Variants in DOCK2 observed in about 807,000 individuals in gnomAD.
The protein encoded by DOCK2 is dedicator of cytokinesis 2.
Under a neutral mutation model 248.9 loss-of-function variants are expected in DOCK2, and 87 were observed. The ratio of observed to expected loss-of-function variants is 0.35; its 90% CI spans 0.29 to 0.42. The LOEUF (loss-of-function observed/expected upper bound fraction) is 0.42, where lower values mean the gene tolerates loss of function less well. DOCK2 is among the 10% of genes least tolerant of loss of function. The pLI, the probability that DOCK2 is intolerant of heterozygous loss-of-function variation, is 1.00. For synonymous variants in DOCK2, 805 were observed against 821.6 expected, an observed-to-expected ratio of 0.98 and a Z score of 0.35; for missense variants, 1,747 against 2,300.2, an observed-to-expected ratio of 0.76 and a Z score of 4.92.
intron 15 of DOCK2, among the ~76,000 whole-genome samples, chr5:169,708,986 T>C (rs1186647177): frequency 6.6e-6 from 1 of 152,232 alleles, no homozygotes; most frequent in Admixed American, 6.5e-5. Context: ...GGCAAGTCAT[T>C]CACCTGCTCT....
At chr5:169,874,821 G>A (rs1033155026) in intron 27 of DOCK2, among the ~76,000 whole-genome samples, 1 of 152,082 alleles carries the variant, frequency 6.6e-6, no homozygotes, top group African/African-American at 2.4e-5. Context: ...AATCTCCCAA[G>A]TATTGCATAA....
At chr5:169,908,612 T>C (rs1314116828) in intron 27 of DOCK2, among the ~76,000 whole-genome samples, 1 of 152,136 alleles carries the variant, frequency 6.6e-6, no homozygotes, top group Non-Finnish European at 1.5e-5. Context: ...TATTGCAATA[T>C]GGAATCATGA....
At chr5:169,924,444 C>T (rs544968104) in intron 27 of DOCK2, among the ~76,000 whole-genome samples, 1 of 152,224 alleles carries the variant, frequency 6.6e-6, no homozygotes, top group East Asian at 1.9e-4. Context: ...ATCACATTTC[C>T]CTGTTGTGTT....
intron 1 of DOCK2, among the ~76,000 whole-genome samples, chr5:169,642,181 GGATA>G (rs1210576420): frequency 1.3e-5 from 2 of 152,204 alleles, no homozygotes; most frequent in Non-Finnish European, 2.9e-5. Context: ...ACAGTTGAAA[GGATA>G]GAGAGCATCA....
chr5:169,955,246 G>A (rs1269367506), intron 27 of DOCK2, among the ~76,000 whole-genome samples: 2 of 152,134 alleles, frequency 1.3e-5, no homozygotes, highest in Non-Finnish European at 2.9e-5. Flanking sequence ...CCCCTGCCCG[G>A]GACCACACAG....
chr5:170,008,456 C>T, intron 30 of DOCK2, 41 bp from the exon 31 acceptor site: 1 of 1,608,082 alleles, frequency 6.2e-7, no homozygotes, highest in Non-Finnish European at 8.5e-7. Flanking sequence ...CTTCCCGCTT[C>T]AGACCCTCTC....
In DOCK2 at chr5:170,082,804, C is replaced by A; in HGVS notation, c.5439C>A (p.Ser1813Arg). ...GTTTATTCTCTCAAAAGCTGGCCAG[C>A]AAATCGGCTGAAGAAGGCAAACAGA... The part of the protein sequence containing the change: ...VNQFFKTMLA[S>R]KSAEEGKQIP... Residue 1813 changes from serine to arginine, a missense_variant, in exon 52 of 52, where the codon AGC (serine) becomes AGA (arginine). By Grantham distance (110) the Ser-to-Arg change is moderately radical. Transcript: ENST00000520908. The A allele has an allele frequency of 6.2e-7, 1 of 1,614,154 alleles. No homozygotes were observed. The highest frequency in any genetic ancestry group is 8.5e-7 in the Non-Finnish European group (1 of 1,180,020).
chr5:170,057,287 C>A (rs1481247281), intron 43 of DOCK2: 3 of 451,540 alleles, frequency 6.6e-6, no homozygotes. Context: ...GGGAACCCTT[C>A]CCCGAGAAAA....
At chr5:169,891,648 CTA>C (rs1773289208) in intron 27 of DOCK2, among the ~76,000 whole-genome samples, 1 of 151,998 alleles carries the variant, frequency 6.6e-6, no homozygotes, top group African/African-American at 2.4e-5. Flanking sequence ...GATGGGGAAA[CTA>C]AGACTCTGAG....
intron 7 of DOCK2, among the ~76,000 whole-genome samples, chr5:169,683,866 G>T (rs1245664469): frequency 6.6e-6 from 1 of 152,118 alleles, no homozygotes; most frequent in Non-Finnish European, 1.5e-5. Context: ...CTCCAAATCT[G>T]TACCTAGCTG....
At chr5:169,725,482 T>TTTTA (rs1007103599) in intron 22 of DOCK2, among the ~76,000 whole-genome samples, 15 of 144,206 alleles carry the variant, frequency 1.0e-4, no homozygotes, top group Non-Finnish European at 1.6e-4. Flanking sequence ...TGTTTTTTCT[T>TTTTA]TTTATTTATT....
chr5:169,810,190 A>G (rs2113175775), intron 26 of DOCK2, among the ~76,000 whole-genome samples: 1 of 152,178 alleles, frequency 6.6e-6, no homozygotes. Flanking sequence ...GCTGAGTGCT[A>G]GCAGGGTATT....
intron 5 of DOCK2, among the ~76,000 whole-genome samples, chr5:169,671,995 CT>C (rs112611660): frequency 1.3e-3 from 196 of 149,516 alleles, no homozygotes; most frequent in African/African-American, 4.3e-3. Flanking sequence ...ATACGCTGAC[CT>C]TTTTTTTTTA....
intron 27 of DOCK2, among the ~76,000 whole-genome samples, chr5:169,964,846 G>C (rs1428516783): frequency 6.6e-6 from 1 of 152,204 alleles, no homozygotes; most frequent in East Asian, 1.9e-4. Flanking sequence ...ATTCAAAGGG[G>C]GAACTGCATG....
chr5:169,875,621 A>C lies in DOCK2; in HGVS notation c.2799+34769A>C, dbSNP rs538557146. 31 of 227,528 alleles carry C rather than the reference A, an allele frequency of 1.4e-4. 2 individuals are homozygous for C. The South Asian group carries it at 1.7e-3, about 13-fold the overall frequency. The allele number at this position is 227,528 out of a possible 1,614,324, so 14.1% of individuals were successfully genotyped here. On this transcript the variant is annotated intron_variant, in intron 27 of 51. Coordinates refer to ENST00000520908, the MANE Select transcript of DOCK2 (RefSeq NM_004946.3). ...CTTCAATTGCCTAATCTGAATGTTGAGCAAGTGCCTGACCCTTCCTGAGCA... is the reference window on the plus strand; with the variant it reads ...CTTCAATTGCCTAATCTGAATGTTGCGCAAGTGCCTGACCCTTCCTGAGCA...
intron 27 of DOCK2, among the ~76,000 whole-genome samples, chr5:169,910,792 A>G (rs1774552740): frequency 6.6e-6 from 1 of 152,214 alleles, no homozygotes; most frequent in African/African-American, 2.4e-5. Flanking sequence ...GAGAAATGGC[A>G]GGTGCCCCTT....
rs936772936 is a variant in DOCK2 at position 169,776,755 on chromosome 5, T to C, written c.2554+15130T>C. On this transcript the variant is annotated intron_variant, in intron 25 of 51. Transcript: ENST00000520908. Reference sequence around the variant, plus strand: ...AGATCTGATAGTTTTATAAGAGGCTTCCCCCTTTGCTCGCCACGCATTCTC... The same window carrying C: ...AGATCTGATAGTTTTATAAGAGGCTCCCCCCTTTGCTCGCCACGCATTCTC... Among the ~76,000 whole-genome samples the C allele has an allele frequency of 2.5e-4, 38 of 152,262 alleles. 1 individual carries two copies. Among genetic ancestry groups the C allele is most frequent in the Middle Eastern group, 3.4e-3 (1 of 294 alleles).
chr5:170,044,575 G>T (rs1756632736), intron 38 of DOCK2, among the ~76,000 whole-genome samples: 1 of 152,122 alleles, frequency 6.6e-6, no homozygotes, highest in Non-Finnish European at 1.5e-5. Flanking sequence ...CCCTGGCCCA[G>T]CCCAGGGGGA....
chr5:169,911,306 A>T (rs1040770403), intron 27 of DOCK2, among the ~76,000 whole-genome samples: 1 of 152,146 alleles, frequency 6.6e-6, no homozygotes, highest in African/African-American at 2.4e-5. Flanking sequence ...TTCCACACAC[A>T]TACCAATCGT....
Sources: gnomAD v4.1 joint callset for allele counts (sites outside exome capture counted in the v4.1 genomes callset) on GRCh38, gnomAD v4.1.1 for gene constraint, MANE v1.5 for transcripts, NCBI Gene and HGNC (gene_info 2026-07-23, HGNC 2026-07-21) for gene names.